Variants in ITPR1 observed in about 807,000 individuals in gnomAD.
ITPR1 encodes inositol 1,4,5-trisphosphate-gated calcium channel ITPR1.
A neutral mutation model predicts 318.4 loss-of-function variants in ITPR1; 96 were observed. The ratio of observed to expected loss-of-function variants is 0.30; its 90% CI spans 0.26 to 0.36. The LOEUF is 0.36. ITPR1 is among the 10% of genes least tolerant of loss of function. The pLI, the probability that ITPR1 is intolerant of heterozygous loss-of-function variation, is 1.00. For synonymous variants in ITPR1, 1,312 were observed against 1,289.9 expected, an observed-to-expected ratio of 1.02 and a Z score of -0.37; for missense variants, 2,440 against 3,460.2, an observed-to-expected ratio of 0.71 and a Z score of 7.40.
At chr3:4,550,140 C>T (rs570652903) in intron 4 of ITPR1, among the ~76,000 whole-genome samples, 31 of 151,436 alleles carry the variant, frequency 2.0e-4, no homozygotes, top group African/African-American at 7.3e-4. Context: ...CAGCTTGGCG[C>T]ATGCCAGAAA....
At chr3:4,512,175 G>A (rs1264279676) in intron 2 of ITPR1, among the ~76,000 whole-genome samples, 1 of 152,098 alleles carries the variant, frequency 6.6e-6, no homozygotes, top group Non-Finnish European at 1.5e-5. Flanking sequence ...TAGAAATGGG[G>A]TCTGGCTGGT....
In ITPR1 at chr3:4,814,508, C is replaced by T. The variant is rs762182946; in HGVS notation, c.7647C>T (p.His2549=). 2.2e-5 allele frequency: 35 copies of T among 1,587,914 alleles called. No individual in the cohort carries two copies. The Middle Eastern group carries it at 6.7e-4, about 30-fold the overall frequency. The change falls in exon 58 of 62, where the codon CAC becomes CAT. Residue 2549 remains histidine, a synonymous_variant. Coordinates refer to ENST00000649015, the MANE Select transcript of ITPR1 (RefSeq NM_001378452.1). ...TGTGCATTGTCACTGTGCTGAGTCA[C>T]GGGCTGCGGAGCGGGGGTGGAGTAG... ...LLMCIVTVLS[H]GLRSGGGVGD...
At chr3:4,584,720 G>A (rs2089707194) in intron 4 of ITPR1, among the ~76,000 whole-genome samples, 1 of 152,002 alleles carries the variant, frequency 6.6e-6, no homozygotes, top group African/African-American at 2.4e-5. Context: ...GTTGGTGGAG[G>A]CTTTTTTTGT....
At chr3:4,737,557 G>T (rs1422623091) in intron 44 of ITPR1, among the ~76,000 whole-genome samples, 1 of 152,178 alleles carries the variant, frequency 6.6e-6, no homozygotes, top group Non-Finnish European at 1.5e-5. Flanking sequence ...GAAGTGAAGG[G>T]CCTTGGATGG....
chr3:4,619,914 A>G (rs2092561379), intron 4 of ITPR1, among the ~76,000 whole-genome samples: 1 of 145,192 alleles, frequency 6.9e-6, no homozygotes, highest in Non-Finnish European at 1.5e-5. Context: ...TTTCTGTAGT[A>G]CATTAAAACA....
At chr3:4,831,556 C>T (rs2050513541) in intron 60 of ITPR1, among the ~76,000 whole-genome samples, 1 of 152,044 alleles carries the variant, frequency 6.6e-6, no homozygotes, top group African/African-American at 2.4e-5. Flanking sequence ...TCCCCACCTT[C>T]CCCTCCCAAC....
chr3:4,831,123 T>TCACA lies in ITPR1; in HGVS notation c.8029-5650_8029-5649insACAC, dbSNP rs1318497804. 2.5e-3 allele frequency: 628 copies of TCACA among 247,088 alleles called. 4 individuals are homozygous for TCACA. The highest frequency in any genetic ancestry group is 0.013 in the South Asian group (581 of 45,738). The allele number at this position is 247,088 out of a possible 1,614,324, so 15.3% of individuals were successfully genotyped here. ...CTGTCTTTGTCTCTCTCTCTCTCTC[T>TCACA]CTCTCTCTCACACACACACACACAC... is the stretch of plus-strand genomic sequence containing the variant. On this transcript the variant is annotated intron_variant, in intron 60 of 61. Transcript: ENST00000649015.
At chr3:4,700,098 C>A (rs571494021) in intron 35 of ITPR1, among the ~76,000 whole-genome samples, 157 bp downstream of exon 35, 1 of 152,222 alleles carries the variant, frequency 6.6e-6, no homozygotes, top group East Asian at 1.9e-4. Flanking sequence ...GATGGGATTT[C>A]TTGGGTAAAG....
At chr3:4,540,839 G>T (rs2084375130) in intron 4 of ITPR1, among the ~76,000 whole-genome samples, 2 of 152,116 alleles carry the variant, frequency 1.3e-5, no homozygotes, top group Non-Finnish European at 2.9e-5. Flanking sequence ...GGCTCCCAAA[G>T]TACTGGGATT....
At chr3:4,841,968 T>C (rs2051378429) in intron 61 of ITPR1, among the ~76,000 whole-genome samples, 1 of 152,246 alleles carries the variant, frequency 6.6e-6, no homozygotes, top group Non-Finnish European at 1.5e-5. Flanking sequence ...TACTAGAATT[T>C]GCTAGCTGTT....
intron 57 of ITPR1, 26 bp from the exon 58 acceptor site, chr3:4,814,397 T>C: frequency 6.2e-7 from 1 of 1,613,666 alleles, no homozygotes; most frequent in Non-Finnish European, 8.5e-7. Flanking sequence ...ACGTTTTCTC[T>C]CTGTTGTTAC....
chr3:4,661,410 G>T (rs986008798), intron 14 of ITPR1, among the ~76,000 whole-genome samples: 1 of 152,086 alleles, frequency 6.6e-6, no homozygotes, highest in South Asian at 2.1e-4. Flanking sequence ...TTGTCTTGAG[G>T]TACATCAAGT....
Position 4,697,254 on chromosome 3 carries a change from C to T in ITPR1, c.4389C>T (p.Phe1463=). 6.4e-7 allele frequency: 1 copy of T among 1,560,034 alleles called. No individual in the cohort carries two copies. The highest frequency in any genetic ancestry group is 8.7e-7 in the Non-Finnish European group (1 of 1,151,306). ...SNHMWKLFEN[F]LVDICRACNN... is the part of the protein sequence containing the mutation. The stretch of plus-strand genomic sequence containing the variant: ...ACATGTGGAAATTGTTTGAGAATTT[C>T]CTTGTAGACATCTGCAGGGTAAGGC... The change falls in exon 34 of 62, where the codon TTC becomes TTT. Residue 1463 remains phenylalanine (F), a synonymous_variant. Transcript: ENST00000649015.
intron 47 of ITPR1, among the ~76,000 whole-genome samples, chr3:4,776,090 G>C (rs2046466050): frequency 6.6e-6 from 1 of 152,182 alleles, no homozygotes; most frequent in Admixed American, 6.5e-5. Context: ...TTGTTTGTTT[G>C]TTTTTGGAGA....
chr3:4,624,750 C>G (rs6797564), intron 4 of ITPR1, among the ~76,000 whole-genome samples: 12,024 of 149,548 alleles, frequency 0.08, 611 homozygotes, highest in African/African-American at 0.14. Flanking sequence ...TTTATATTAT[C>G]ATTAACACCT....
At chr3:4,655,269 C>T (rs1009164226) in intron 12 of ITPR1, among the ~76,000 whole-genome samples, 1 of 152,110 alleles carries the variant, frequency 6.6e-6, no homozygotes, top group African/African-American at 2.4e-5. Flanking sequence ...GGAAATCTTA[C>T]CTCTGAGATT....
At chr3:4,596,165 T>G (rs570415142) in intron 4 of ITPR1, 21 of 152,226 alleles carry the variant, frequency 1.4e-4, no homozygotes, top group Non-Finnish European at 2.4e-4. Flanking sequence ...TAAGTTGCTA[T>G]CTATGTATCT....
At chr3:4,843,869 A>G (rs1284394911) in intron 61 of ITPR1, among the ~76,000 whole-genome samples, 1 of 152,234 alleles carries the variant, frequency 6.6e-6, no homozygotes, top group Non-Finnish European at 1.5e-5. Flanking sequence ...GTAAAGTTTC[A>G]GAGGTTTCTT....
In ITPR1 at chr3:4,594,932, A is replaced by C. The variant is rs187971799; in HGVS notation, c.164-32831A>C. 4.2e-3 allele frequency among the ~76,000 whole-genome samples: 638 copies of C among 152,278 alleles called. 14 individuals are homozygous for C. The highest frequency in any genetic ancestry group is 1.2e-3 in the Non-Finnish European group (81 of 68,024). On this transcript the variant is annotated intron_variant, in intron 4 of 61. Transcript: ENST00000649015. ...GTATCACCCTGGATGAGGAGGGGGA[A>C]GTATAGCAAAGTGGTTAAGGGTATA...
Sources: gnomAD v4.1 joint callset for allele counts (sites outside exome capture counted in the v4.1 genomes callset) on GRCh38, gnomAD v4.1.1 for gene constraint, MANE v1.5 for transcripts, NCBI Gene and HGNC (gene_info 2026-07-23, HGNC 2026-07-21) for gene names.